SFI1: variants seen among roughly 807,000 people sequenced by gnomAD.
SFI1 encodes the protein protein SFI1 homolog.
In SFI1, 195 loss-of-function variants were observed where a neutral mutation model predicts 207.5. The observed-to-expected ratio is 0.94, with a 90% confidence interval of 0.84 to 1.06. The LOEUF (loss-of-function observed/expected upper bound fraction) is 1.06, where lower values mean the gene tolerates loss of function less well. Among genes scored for constraint, SFI1 ranks in the 50% least tolerant of loss-of-function variants. The pLI, the probability that SFI1 is intolerant of heterozygous loss-of-function variation, is 0.00. For synonymous variants in SFI1, 630 were observed against 598.9 expected (o/e 1.05, Z -0.76); for missense variants, 1,634 against 1,588.0 (o/e 1.03, Z -0.49).
chr22:31,603,584 C>CT (rs1032611852), intron 17 of SFI1, among the ~76,000 whole-genome samples, 160 bp from the exon 18 acceptor site: 11 of 152,172 alleles, frequency 7.2e-5, no homozygotes, highest in African/African-American at 2.4e-4. Context: ...ATCATAGGTG[C>CT]TTTTTTCTGA....
At chr22:31,558,603 G>A (rs1013527566) in intron 7 of SFI1, among the ~76,000 whole-genome samples, 3 of 151,618 alleles carry the variant, frequency 2.0e-5, no homozygotes, top group African/African-American at 7.3e-5. Context: ...TTGGCCTCTC[G>A]AGTAGCTGGG....
At chr22:31,614,601 C>A (rs375650575) in intron 27 of SFI1, 188 bp from the exon 28 acceptor site, 2 of 712,818 alleles carry the variant, frequency 2.8e-6, no homozygotes, top group South Asian at 1.5e-5. Flanking sequence ...AGTCCCCTGG[C>A]GTCAGGTACC....
At chr22:31,543,046 C>G (rs1194600792) in intron 4 of SFI1, among the ~76,000 whole-genome samples, 2 of 150,920 alleles carry the variant, frequency 1.3e-5, no homozygotes, top group East Asian at 2.0e-4. Context: ...TCTCGGCTCA[C>G]TGCAAGCTCC....
At chr22:31,563,262 G>T (rs1254614071) in intron 8 of SFI1, among the ~76,000 whole-genome samples, 2 of 151,958 alleles carry the variant, frequency 1.3e-5, no homozygotes, top group African/African-American at 4.8e-5. Flanking sequence ...CAAAGTGCTG[G>T]GATTACAGGC....
intron 8 of SFI1, among the ~76,000 whole-genome samples, chr22:31,566,982 T>G (rs1297522978): frequency 6.6e-6 from 1 of 152,116 alleles, no homozygotes; most frequent in Non-Finnish European, 1.5e-5. Context: ...CTCGGCTCAC[T>G]GCAAGCTCCA....
chr22:31,559,691 A>G (rs969832155), intron 7 of SFI1: 16 of 814,194 alleles, frequency 2.0e-5, no homozygotes, highest in Non-Finnish European at 2.5e-5. Flanking sequence ...GATGACCATT[A>G]TGCAGAATCC....
At chr22:31,604,196 C>T (rs575469762) in intron 18 of SFI1, 113 bp from the exon 19 acceptor site, 200 of 803,980 alleles carry the variant, frequency 2.5e-4, no homozygotes, top group Non-Finnish European at 3.7e-4. Context: ...ATAGATGAGG[C>T]CAGAGAGGTT....
At chr22:31,596,263 ATCTC>A (rs376564682) in intron 15 of SFI1, among the ~76,000 whole-genome samples, 3 of 151,256 alleles carry the variant, frequency 2.0e-5, no homozygotes, top group Non-Finnish European at 3.0e-5. Context: ...CAAAATAAAT[ATCTC>A]TCTCTCTCTC....
chr22:31,543,740 G>A (rs926137384), intron 4 of SFI1, among the ~76,000 whole-genome samples: 1 of 151,698 alleles, frequency 6.6e-6, no homozygotes, highest in African/African-American at 2.4e-5. Context: ...AACCTAGGAG[G>A]CGGAGCTTGC....
intron 2 of SFI1, among the ~76,000 whole-genome samples, chr22:31,515,133 T>C (rs933137023): frequency 6.6e-6 from 1 of 152,234 alleles, no homozygotes; most frequent in Non-Finnish European, 1.5e-5. Flanking sequence ...TATCACACTT[T>C]GATAACCACT....
chr22:31,502,012 C>T (rs577594230), intron 1 of SFI1, among the ~76,000 whole-genome samples: 2 of 152,262 alleles, frequency 1.3e-5, no homozygotes, highest in Non-Finnish European at 2.9e-5. Flanking sequence ...GTGGCATCCC[C>T]CCTTGTGCCC....
At chr22:31,565,219 CTT>C (rs372716378) in intron 8 of SFI1, among the ~76,000 whole-genome samples, 1,779 of 152,128 alleles carry the variant, frequency 0.012, 9 homozygotes, top group Middle Eastern at 0.031. Flanking sequence ...GATAGCCACT[CTT>C]TTGATTCTGG....
chr22:31,554,090 G>A (rs746630904), intron 6 of SFI1, among the ~76,000 whole-genome samples: 30 of 151,130 alleles, frequency 2.0e-4, no homozygotes, highest in South Asian at 6.3e-4. Flanking sequence ...CTCCCACTTC[G>A]GCTTCCCAAA....
chr22:31,499,818 G>A (rs1045237845), intron 1 of SFI1, among the ~76,000 whole-genome samples: 2 of 151,296 alleles, frequency 1.3e-5, no homozygotes, highest in East Asian at 1.9e-4. Context: ...GTGAAACCCC[G>A]TCTCTACTAA....
At chr22:31,608,163 T>G in intron 22 of SFI1, 130 bp downstream of exon 22, 4 of 654,414 alleles carry the variant, frequency 6.1e-6, no homozygotes, top group Non-Finnish European at 1.1e-5. Context: ...CATGACAAAG[T>G]ACCACAGACT....
intron 15 of SFI1, among the ~76,000 whole-genome samples, chr22:31,593,324 C>A (rs1323371099): frequency 7.4e-6 from 1 of 134,964 alleles, no homozygotes; most frequent in Non-Finnish European, 1.6e-5. Context: ...GACGGGGTCT[C>A]GGCCGGGCAG....
chr22:31,614,221 T>C (rs1033474369), intron 27 of SFI1: 23 of 349,578 alleles, frequency 6.6e-5, no homozygotes, highest in Non-Finnish European at 1.0e-4. Context: ...CGGCCTCTCT[T>C]CTGCTCCATC....
intron 8 of SFI1, among the ~76,000 whole-genome samples, chr22:31,564,814 A>G (rs2062097302): frequency 8.9e-6 from 1 of 111,956 alleles, no homozygotes; most frequent in African/African-American, 3.8e-5. Context: ...CTGGCCCAGA[A>G]TTTTTTTTTT....
chr22:31,538,760 TTGAC>T (rs1179757992), intron 4 of SFI1, among the ~76,000 whole-genome samples: 2 of 152,184 alleles, frequency 1.3e-5, no homozygotes, highest in Non-Finnish European at 2.9e-5. Flanking sequence ...TCCTACCTGT[TTGAC>T]TGCCCCTTCT....
Sources: gnomAD v4.1 joint callset for allele counts (sites outside exome capture counted in the v4.1 genomes callset) on GRCh38, gnomAD v4.1.1 for gene constraint, MANE v1.5 for transcripts, NCBI Gene and HGNC (gene_info 2026-07-23, HGNC 2026-07-21) for gene names.